The following KDM4C variants were observed in gnomAD, a reference collection of about 807,000 sequenced individuals.
KDM4C encodes lysine-specific demethylase 4C.
Under a neutral mutation model 129.3 loss-of-function variants are expected in KDM4C, and 81 were observed. That is an observed-to-expected ratio of 0.63 (90% confidence interval 0.52 to 0.75). KDM4C has a LOEUF of 0.75. Among genes scored for constraint, KDM4C ranks in the 30% least tolerant of loss-of-function variants. The probability of loss-of-function intolerance (pLI) is 0.00; values close to 1 mark genes in which losing one functional copy is unlikely to be tolerated. For synonymous variants in KDM4C, 573 were observed against 456.1 expected, an observed-to-expected ratio of 1.26 and a Z score of -3.26; for missense variants, 1,457 against 1,304.0, an observed-to-expected ratio of 1.12 and a Z score of -1.81.
intron 1 of KDM4C, among the ~76,000 whole-genome samples, chr9:6,776,379 A>T (rs72699648): frequency 6.6e-6 from 1 of 151,988 alleles, no homozygotes; most frequent in African/African-American, 2.4e-5. Context: ...TTCCTGCCTC[A>T]GCCTCCCGAG....
intron 19 of KDM4C, among the ~76,000 whole-genome samples, chr9:7,150,281 A>T (rs1403141584): frequency 2.6e-5 from 4 of 152,092 alleles, no homozygotes; most frequent in Non-Finnish European, 4.4e-5. Flanking sequence ...AGGTGTCTAT[A>T]ATTAGCTCAG....
intron 8 of KDM4C, among the ~76,000 whole-genome samples, chr9:6,948,522 T>C (rs1270974078): frequency 6.8e-6 from 1 of 146,902 alleles, no homozygotes; most frequent in Non-Finnish European, 1.5e-5. Flanking sequence ...TTCTTGGGTG[T>C]TTCTCGCAGA....
At chr9:7,092,951 G>A (rs1251041182) in intron 17 of KDM4C, among the ~76,000 whole-genome samples, 2 of 152,160 alleles carry the variant, frequency 1.3e-5, no homozygotes, top group African/African-American at 4.8e-5. Flanking sequence ...GCCATGCCAA[G>A]AATAGGTAAA....
intron 4 of KDM4C, among the ~76,000 whole-genome samples, chr9:6,832,196 C>A (rs553017223): frequency 6.6e-6 from 1 of 151,180 alleles, no homozygotes; most frequent in African/African-American, 2.4e-5. Flanking sequence ...AAAAATTAGC[C>A]GGGCGTGGTG....
At chr9:6,772,341 G>A (rs1300899890) in intron 1 of KDM4C, among the ~76,000 whole-genome samples, 1 of 150,628 alleles carries the variant, frequency 6.6e-6, no homozygotes, top group African/African-American at 2.4e-5. Flanking sequence ...TAGAGACGGG[G>A]TTTCACCATG....
At chr9:7,008,123 G>C (rs1822013715) in intron 12 of KDM4C, among the ~76,000 whole-genome samples, 1 of 152,152 alleles carries the variant, frequency 6.6e-6, no homozygotes, top group African/African-American at 2.4e-5. Flanking sequence ...CTAATCCCAG[G>C]CGGTACAGTG....
At chr9:7,061,932 A>G (rs1468773476) in intron 17 of KDM4C, among the ~76,000 whole-genome samples, 2 of 152,158 alleles carry the variant, frequency 1.3e-5, no homozygotes, top group Admixed American at 1.3e-4. Context: ...ACCTGGTATC[A>G]CCAGTATCTT....
chr9:6,866,423 GC>G (rs1466694324), intron 5 of KDM4C, among the ~76,000 whole-genome samples: 1 of 152,100 alleles, frequency 6.6e-6, no homozygotes, highest in Non-Finnish European at 1.5e-5. Context: ...GTGTGAGAGG[GC>G]TAGCTAGGGG....
intron 12 of KDM4C, among the ~76,000 whole-genome samples, chr9:6,995,773 A>G (rs966189352): frequency 2.4e-4 from 37 of 151,736 alleles, no homozygotes; most frequent in South Asian, 1.0e-3. Context: ...CTGGGTTCAC[A>G]CCATTCTCCT....
At chr9:6,918,535 C>T (rs574342072) in intron 8 of KDM4C, among the ~76,000 whole-genome samples, 1 of 152,236 alleles carries the variant, frequency 6.6e-6, no homozygotes, top group Admixed American at 6.5e-5. Context: ...GGTATATACC[C>T]ATCAATAGGA....
At chr9:7,005,234 A>G (rs1199326768) in intron 12 of KDM4C, among the ~76,000 whole-genome samples, 1 of 152,052 alleles carries the variant, frequency 6.6e-6, no homozygotes, top group Non-Finnish European at 1.5e-5. Context: ...TCAGGAGTTC[A>G]AGACCAGCCT....
At chr9:7,023,188 A>G (rs1450690681) in intron 15 of KDM4C, among the ~76,000 whole-genome samples, 3 of 152,090 alleles carry the variant, frequency 2.0e-5, no homozygotes, top group Non-Finnish European at 4.4e-5. Context: ...CTCATCCTCT[A>G]CTTTTTGGAA....
intron 19 of KDM4C, among the ~76,000 whole-genome samples, chr9:7,146,683 C>G (rs1233736701): frequency 6.6e-6 from 1 of 152,206 alleles, no homozygotes; most frequent in Non-Finnish European, 1.5e-5. Flanking sequence ...ACACGAGATG[C>G]TTGAAAATTC....
intron 19 of KDM4C, among the ~76,000 whole-genome samples, chr9:7,134,340 A>G (rs1343381554): frequency 6.6e-6 from 1 of 152,216 alleles, no homozygotes; most frequent in African/African-American, 2.4e-5. Context: ...AAATGTTTAA[A>G]TTTATCTGAC....
chr9:7,014,915 AACACACAC>A (rs55864882), intron 14 of KDM4C, among the ~76,000 whole-genome samples: 1,652 of 146,258 alleles, frequency 0.011, 27 homozygotes, highest in African/African-American at 0.036. Flanking sequence ...GGCAATTTGT[AACACACAC>A]ACACACACAC....
intron 18 of KDM4C, among the ~76,000 whole-genome samples, chr9:7,123,907 G>A (rs1203406132): frequency 6.6e-6 from 1 of 152,110 alleles, no homozygotes; most frequent in South Asian, 2.1e-4. Context: ...GAGAAGTCAG[G>A]GTGCTGCCCA....
chr9:7,042,509 C>T (rs74608767), intron 15 of KDM4C, among the ~76,000 whole-genome samples: 37 of 152,130 alleles, frequency 2.4e-4, no homozygotes, highest in African/African-American at 8.9e-4. Context: ...TATATGCTGT[C>T]GGGTAACACA....
intron 19 of KDM4C, among the ~76,000 whole-genome samples, chr9:7,153,263 T>C (rs1368495205): frequency 6.6e-6 from 1 of 152,182 alleles, no homozygotes; most frequent in Admixed American, 6.5e-5. Context: ...TTTAAGTGTT[T>C]GCATTCTTTG....
intron 4 of KDM4C, among the ~76,000 whole-genome samples, chr9:6,840,552 A>G (rs1836730416): frequency 6.6e-6 from 1 of 151,990 alleles, no homozygotes; most frequent in African/African-American, 2.4e-5. Context: ...GTCTGCCACC[A>G]CGCCTGGCTA....
Sources: allele counts gnomAD v4.1 joint callset (sites outside exome capture counted in the v4.1 genomes callset), GRCh38; gene constraint gnomAD v4.1.1; transcripts MANE v1.5; gene names NCBI Gene and HGNC (gene_info 2026-07-23, HGNC 2026-07-21).